The following RABGAP1L variants were observed in gnomAD, a reference collection of about 807,000 sequenced individuals.
RABGAP1L encodes the protein RAB GTPase activating protein 1 like, also known as rab GTPase-activating protein 1-like.
A neutral mutation model predicts 137.7 loss-of-function variants in RABGAP1L; 63 were observed. That is an observed-to-expected ratio of 0.46 (90% CI 0.37 to 0.56). RABGAP1L has a LOEUF of 0.56. RABGAP1L is among the 20% of genes least tolerant of loss of function. The pLI, the probability that RABGAP1L is intolerant of heterozygous loss-of-function variation, is 0.00. For synonymous variants in RABGAP1L, 431 were observed against 433.7 expected, an observed-to-expected ratio of 0.99 and a Z score of 0.08; for missense variants, 1,095 against 1,244.0, an observed-to-expected ratio of 0.88 and a Z score of 1.80.
intron 13 of RABGAP1L, among the ~76,000 whole-genome samples, chr1:174,622,698 C>G (rs1432536115): frequency 2.6e-5 from 4 of 152,096 alleles, no homozygotes; most frequent in Non-Finnish European, 5.9e-5. Context: ...ACTCCGGGGT[C>G]TGTTGTGGAG....
At chr1:174,963,315 C>T (rs888365357) in intron 20 of RABGAP1L, among the ~76,000 whole-genome samples, 3 of 151,992 alleles carry the variant, frequency 2.0e-5, no homozygotes, top group African/African-American at 7.2e-5. Context: ...CTTGGATAAT[C>T]CAGAGAGTTC....
At chr1:174,752,812 ATAGT>A (rs1170848074) in intron 18 of RABGAP1L, among the ~76,000 whole-genome samples, 1 of 152,216 alleles carries the variant, frequency 6.6e-6, no homozygotes, top group Non-Finnish European at 1.5e-5. Context: ...TCTTTCCATG[ATAGT>A]TAGAAATTTA....
intron 1 of RABGAP1L, among the ~76,000 whole-genome samples, chr1:174,210,903 G>A (rs182213586): frequency 1.8e-4 from 28 of 152,244 alleles, no homozygotes; most frequent in Admixed American, 1.6e-3. Flanking sequence ...AGACTTTTCA[G>A]TGGAAACCTT....
intron 19 of RABGAP1L, among the ~76,000 whole-genome samples, chr1:174,844,283 A>G (rs1384643333): frequency 1.6e-5 from 2 of 125,754 alleles, no homozygotes; most frequent in African/African-American, 6.2e-5. Context: ...GGTGTTTTGG[A>G]CATGAAGTCC....
intron 20 of RABGAP1L, chr1:174,957,865 C>A: frequency 6.4e-7 from 1 of 1,553,640 alleles, no homozygotes; most frequent in South Asian, 1.2e-5. Flanking sequence ...CCCAAATAGC[C>A]AACCATAATA....
At chr1:174,220,946 AC>A (rs1322763852) in intron 2 of RABGAP1L, 25 bp from the exon 3 acceptor site, 1 of 1,522,868 alleles carries the variant, frequency 6.6e-7, no homozygotes, top group Admixed American at 2.1e-5. Flanking sequence ...TAGAATTGAA[AC>A]AGAATTGTCT....
At position 174,427,709 on chromosome 1, in the gene RABGAP1L, A is replaced by G. The variant is rs904110848; in HGVS notation, c.1710+33564A>G. Among the ~76,000 whole-genome samples the G allele has an allele frequency of 6.6e-5, 10 of 152,188 alleles. 1 individual carries two copies. The highest frequency in any genetic ancestry group is 2.4e-4 in the African/African-American group (10 of 41,442). Reference sequence around the variant, plus strand: ...GCCACCCCAATTTCTGATATTTTAAAAGAATCCTGGTGTTTATTCTAGATA... The same window carrying G: ...GCCACCCCAATTTCTGATATTTTAAGAGAATCCTGGTGTTTATTCTAGATA... On this transcript the variant is annotated intron_variant, in intron 13 of 25. Coordinates refer to ENST00000681986, the MANE Select transcript of RABGAP1L (RefSeq NM_001366446.1).
At chr1:174,609,575 T>C (rs895738554) in intron 13 of RABGAP1L, among the ~76,000 whole-genome samples, 4 of 152,182 alleles carry the variant, frequency 2.6e-5, no homozygotes, top group Non-Finnish European at 4.4e-5. Flanking sequence ...TGTTAAGCAC[T>C]ATAATCCAGA....
chr1:174,825,495 C>T (rs1380687461), intron 19 of RABGAP1L, among the ~76,000 whole-genome samples: 2 of 152,226 alleles, frequency 1.3e-5, no homozygotes, highest in Admixed American at 1.3e-4. Flanking sequence ...TTCTGTTTCT[C>T]ATGTCTGCTG....
chr1:174,202,975 T>G (rs1226281116), intron 1 of RABGAP1L, among the ~76,000 whole-genome samples: 2 of 151,998 alleles, frequency 1.3e-5, no homozygotes, highest in Non-Finnish European at 2.9e-5. Context: ...TGTGTGGTAT[T>G]ATTTCTTTTG....
intron 13 of RABGAP1L, among the ~76,000 whole-genome samples, chr1:174,544,465 G>A (rs1279814163): frequency 1.3e-5 from 2 of 152,082 alleles, no homozygotes; most frequent in African/African-American, 4.8e-5. Context: ...TTAAGGTCTT[G>A]TCTATGCTCT....
At chr1:174,216,793 A>G (rs1409571895) in intron 1 of RABGAP1L, among the ~76,000 whole-genome samples, 1 of 152,116 alleles carries the variant, frequency 6.6e-6, no homozygotes, top group Admixed American at 6.5e-5. Flanking sequence ...ATAATGAGAA[A>G]GTGATGGGGG....
chr1:174,677,107 A>G (rs1015707098), intron 14 of RABGAP1L, among the ~76,000 whole-genome samples: 19 of 147,796 alleles, frequency 1.3e-4, no homozygotes, highest in African/African-American at 4.9e-4. Context: ...GGAACACTTG[A>G]ATTCAGGAAT....
chr1:174,582,646 C>T (rs1184624245), intron 13 of RABGAP1L, among the ~76,000 whole-genome samples: 2 of 152,130 alleles, frequency 1.3e-5, no homozygotes, highest in African/African-American at 4.8e-5. Context: ...AATATGAGTA[C>T]TGAAAAATAT....
At chr1:174,784,670 A>G (rs143163220) in intron 18 of RABGAP1L, among the ~76,000 whole-genome samples, 1 of 152,364 alleles carries the variant, frequency 6.6e-6, no homozygotes, top group African/African-American at 2.4e-5. Flanking sequence ...TTCAAAGCCA[A>G]GAATAGACCA....
chr1:174,965,105 A>C, intron 20 of RABGAP1L: 1 of 674,436 alleles, frequency 1.5e-6, no homozygotes, highest in East Asian at 2.8e-5. Flanking sequence ...TCTCCTATCC[A>C]TAAGGGGTGA....
Position 174,980,224 on chromosome 1 carries a change from T to C in RABGAP1L, c.2733+1334T>C, listed in dbSNP as rs796576941. Among the ~76,000 whole-genome samples the C allele has an allele frequency of 8.5e-5, 13 of 152,342 alleles. 1 individual carries two copies. The highest frequency in any genetic ancestry group is 3.1e-4 in the African/African-American group (13 of 41,594). On this transcript the variant is annotated intron_variant, in intron 23 of 25. Transcript: ENST00000681986. The stretch of plus-strand genomic sequence containing the variant: ...TTAGTTCACTAATACATTATGAACA[T>C]CTTTCCATAAGGAATCCGCATATTC...
chr1:174,619,735 C>T (rs558400574), intron 13 of RABGAP1L, among the ~76,000 whole-genome samples: 89 of 152,296 alleles, frequency 5.8e-4, no homozygotes, highest in African/African-American at 2.0e-3. Flanking sequence ...CATCAACTAA[C>T]AAGCAAAATA....
chr1:174,599,224 A>G (rs1383542223), intron 13 of RABGAP1L, among the ~76,000 whole-genome samples: 1 of 152,210 alleles, frequency 6.6e-6, no homozygotes, highest in African/African-American at 2.4e-5. Flanking sequence ...AAAACTAATA[A>G]AAATTCACAC....
Sources: gnomAD v4.1 joint callset for allele counts (sites outside exome capture counted in the v4.1 genomes callset) on GRCh38, gnomAD v4.1.1 for gene constraint, MANE v1.5 for transcripts, NCBI Gene and HGNC (gene_info 2026-07-23, HGNC 2026-07-21) for gene names.